PRKCA: variants seen among roughly 807,000 people sequenced by gnomAD.
PRKCA encodes the protein protein kinase C alpha.
Under a neutral mutation model 87.0 loss-of-function variants are expected in PRKCA, and 27 were observed. The observed-to-expected ratio is 0.31, with a 90% CI of 0.23 to 0.43. The LOEUF (loss-of-function observed/expected upper bound fraction) is 0.43. PRKCA is among the 20% of genes least tolerant of loss of function. The pLI is 1.00. For synonymous variants in PRKCA, 329 were observed against 311.1 expected (o/e 1.06, Z -0.61); for missense variants, 518 against 852.3 (o/e 0.61, Z 4.88).
rs1314879494 is a variant in PRKCA at position 66,574,302 on chromosome 17, AGCTGGACTTCAATTCAAATG to A, written c.289-67048_289-67029del. 3.3e-4 allele frequency among the ~76,000 whole-genome samples: 51 copies of A among 152,322 alleles called. 1 individual carries two copies. Among genetic ancestry groups the A allele is most frequent in the African/African-American group, 1.2e-3 (49 of 41,580 alleles). On this transcript the variant is annotated intron_variant, in intron 3 of 16. Coordinates refer to ENST00000413366, the MANE Select transcript of PRKCA (RefSeq NM_002737.3). ...GCCTACATGGAATGGGCTGTACCTCAGCTGGACTTCAATTCAAATGGCTGTCTGCCAGCTCCGAGCCTTGG... is the reference window on the plus strand; with the variant it reads ...GCCTACATGGAATGGGCTGTACCTCAGCTGTCTGCCAGCTCCGAGCCTTGG...
chr17:66,756,714 T>A (rs999131553), intron 13 of PRKCA, among the ~76,000 whole-genome samples: 1 of 151,886 alleles, frequency 6.6e-6, no homozygotes, highest in Non-Finnish European at 1.5e-5. Flanking sequence ...CAGGCTGGAG[T>A]CCAGTAGCAT....
At chr17:66,442,681 T>C (rs779702433) in intron 2 of PRKCA, among the ~76,000 whole-genome samples, 1 of 152,190 alleles carries the variant, frequency 6.6e-6, no homozygotes, top group Admixed American at 6.5e-5. Flanking sequence ...ATTTAATTCA[T>C]GTTCACCTCT....
intron 5 of PRKCA, among the ~76,000 whole-genome samples, chr17:66,649,153 A>AT (rs1031449830): frequency 6.6e-6 from 1 of 152,034 alleles, no homozygotes; most frequent in Non-Finnish European, 1.5e-5. Context: ...GTTACTAGGA[A>AT]TTTTTTTAAA....
intron 3 of PRKCA, among the ~76,000 whole-genome samples, chr17:66,621,748 C>G (rs191132213): frequency 6.6e-6 from 1 of 152,236 alleles, no homozygotes; most frequent in Admixed American, 6.5e-5. Flanking sequence ...AGTACCTCCT[C>G]TAGGTGCATA....
rs542214882 is a variant in PRKCA, at chr17:66,659,374, C to T, written c.529+13863C>T. On this transcript the variant is annotated intron_variant, in intron 5 of 16. Transcript: ENST00000413366. ...AAGAAAATAGGGTACTCACCTTCTTCCTCCTCCTCCACCAGCCATGAGGAG... is the reference window on the plus strand; with the variant it reads ...AAGAAAATAGGGTACTCACCTTCTTTCTCCTCCTCCACCAGCCATGAGGAG... 1.1e-4 allele frequency among the ~76,000 whole-genome samples: 17 copies of T among 152,222 alleles called. No homozygotes were observed. The Middle Eastern group carries it at 0.014, about 122-fold the overall frequency.
intron 2 of PRKCA, among the ~76,000 whole-genome samples, chr17:66,339,545 C>T (rs1385141974): frequency 2.6e-5 from 4 of 152,142 alleles, no homozygotes; most frequent in East Asian, 1.9e-4. Context: ...GAAAAAACTG[C>T]TCCTATAAAG....
intron 14 of PRKCA, among the ~76,000 whole-genome samples, chr17:66,780,304 ACT>A (rs1422952582): frequency 6.6e-6 from 1 of 152,212 alleles, no homozygotes; most frequent in African/African-American, 2.4e-5. Flanking sequence ...TCATGGGAAC[ACT>A]GGCAGCAACA....
chr17:66,455,278 C>T (rs11654851), intron 2 of PRKCA, among the ~76,000 whole-genome samples: 59 of 152,240 alleles, frequency 3.9e-4, no homozygotes, highest in Non-Finnish European at 6.8e-4. Context: ...TAATTTTAGT[C>T]GGCTCCCCAC....
At chr17:66,712,177 A>C (rs1475947288) in intron 8 of PRKCA, among the ~76,000 whole-genome samples, 1 of 152,146 alleles carries the variant, frequency 6.6e-6, no homozygotes, top group Non-Finnish European at 1.5e-5. Flanking sequence ...CAGAGGAAAG[A>C]GGCACCTCTT....
chr17:66,602,278 GT>G (rs1391783418), intron 3 of PRKCA, among the ~76,000 whole-genome samples: 1 of 111,182 alleles, frequency 9.0e-6, no homozygotes, highest in Non-Finnish European at 1.8e-5. Flanking sequence ...GTGGTGCGCC[GT>G]TTCTTAAGCC....
chr17:66,640,894 T>G, intron 3 of PRKCA: 1 of 424,622 alleles, frequency 2.4e-6, no homozygotes, highest in South Asian at 1.7e-5. Flanking sequence ...GGTGTGGTGG[T>G]TCACGCCTGT....
At chr17:66,346,421 A>AG (rs936390904) in intron 2 of PRKCA, among the ~76,000 whole-genome samples, 1 of 151,610 alleles carries the variant, frequency 6.6e-6, no homozygotes, top group Non-Finnish European at 1.5e-5. Context: ...AAATTAAAAA[A>AG]AAAAAATTAG....
chr17:66,741,140 G>T (rs1200999105), intron 11 of PRKCA, among the ~76,000 whole-genome samples: 3 of 152,146 alleles, frequency 2.0e-5, no homozygotes, highest in Non-Finnish European at 4.4e-5. Flanking sequence ...GGTAGTTACT[G>T]CTTTTTATTA....
intron 3 of PRKCA, among the ~76,000 whole-genome samples, chr17:66,508,433 G>T: frequency 6.6e-6 from 1 of 152,176 alleles, no homozygotes; most frequent in Non-Finnish European, 1.5e-5. Flanking sequence ...GACCATCTTT[G>T]TGTGGAAAGA....
At position 66,805,165 on chromosome 17, in the gene PRKCA, C is replaced by G. The variant is rs1026141227; in HGVS notation, c.*1128C>G. The G allele has an allele frequency of 4.1e-6, 4 of 971,990 alleles. No homozygotes were observed. The Admixed American group carries it at 2.5e-4, about 60-fold the overall frequency. The allele number at this position is 971,990 out of a possible 1,614,324, so 60.2% of individuals were successfully genotyped here. A position where few individuals can be genotyped will look rare whatever the true frequency, so the allele number is the denominator to read the frequency against. ...ATGGTTTTGGTTCCCATTTCTAGTT[C>G]ACGTTGAATGACAGGCCTGGAGCTG... is the stretch of plus-strand genomic sequence containing the variant. On this transcript the variant is annotated 3_prime_UTR_variant, in exon 17 of 17. Coordinates refer to ENST00000413366, the MANE Select transcript of PRKCA (RefSeq NM_002737.3).
chr17:66,493,451 G>T (rs1916333359), intron 2 of PRKCA, among the ~76,000 whole-genome samples: 2 of 152,066 alleles, frequency 1.3e-5, no homozygotes, highest in African/African-American at 4.8e-5. Flanking sequence ...ACGGGGGGCT[G>T]TGGTGTCCAG....
At chr17:66,505,758 C>T (rs1916947700) in intron 3 of PRKCA, among the ~76,000 whole-genome samples, 1 of 152,204 alleles carries the variant, frequency 6.6e-6, no homozygotes, top group Non-Finnish European at 1.5e-5. Flanking sequence ...CCTCTGACAT[C>T]AAGTCTGGGA....
At chr17:66,708,465 T>C (rs896361334) in intron 8 of PRKCA, among the ~76,000 whole-genome samples, 1 of 152,164 alleles carries the variant, frequency 6.6e-6, no homozygotes, top group African/African-American at 2.4e-5. Flanking sequence ...TGGTTTGTCA[T>C]GTCCAAGTGT....
chr17:66,729,780 CTTT>C (rs60247180), intron 8 of PRKCA, among the ~76,000 whole-genome samples: 3 of 105,104 alleles, frequency 2.9e-5, no homozygotes, highest in East Asian at 3.0e-4. Context: ...GCGAGTTATT[CTTT>C]TTTTTTTTTT....
Sources: gnomAD v4.1 joint callset for allele counts (sites outside exome capture counted in the v4.1 genomes callset) on GRCh38, gnomAD v4.1.1 for gene constraint, MANE v1.5 for transcripts, NCBI Gene and HGNC (gene_info 2026-07-23, HGNC 2026-07-21) for gene names.